Variants in SVEP1 observed in about 807,000 individuals in gnomAD.
SVEP1 encodes sushi, von Willebrand factor type A, EGF and pentraxin domain-containing protein 1.
SVEP1 carries 164 observed loss-of-function variants against 367.3 expected under a neutral mutation model. The observed-to-expected ratio is 0.45, with a 90% CI of 0.39 to 0.51. The LOEUF (loss-of-function observed/expected upper bound fraction) is 0.51, where lower values mean the gene tolerates loss of function less well. Ranked by LOEUF, SVEP1 falls within the 20% of genes least tolerant of loss-of-function variation. SVEP1 has a pLI of 0.00. For synonymous variants in SVEP1, 1,666 were observed against 1,611.6 expected, an observed-to-expected ratio of 1.03 and a Z score of -0.81; for missense variants, 4,117 against 4,425.3, an observed-to-expected ratio of 0.93 and a Z score of 1.98.
At chr9:110,381,951 C>CT (rs1827445109) in intron 43 of SVEP1, among the ~76,000 whole-genome samples, 1 of 152,110 alleles carries the variant, frequency 6.6e-6, no homozygotes, top group African/African-American at 2.4e-5. Context: ...ATGCCCTTGT[C>CT]TTTTTTGATC....
intron 3 of SVEP1, among the ~76,000 whole-genome samples, chr9:110,543,772 G>A (rs1398649211): frequency 6.6e-6 from 1 of 152,170 alleles, no homozygotes; most frequent in African/African-American, 2.4e-5. Context: ...TCTTCTGCCT[G>A]GGTTTGGTGG....
chr9:110,412,086 AT>A (rs376370864), intron 36 of SVEP1, among the ~76,000 whole-genome samples: 1 of 152,190 alleles, frequency 6.6e-6, no homozygotes, highest in Non-Finnish European at 1.5e-5. Context: ...TGGATTTAAG[AT>A]TTTTTTGCTA....
chr9:110,385,935 G>T lies in SVEP1; in HGVS notation c.10200C>A (p.Pro3400=). Residue 3400 remains proline (P), a synonymous_variant, in exon 43 of 48, where the codon CCC becomes CCA. Coordinates refer to ENST00000374469, the MANE Select transcript of SVEP1 (RefSeq NM_153366.4). ...LQGHGIITCN[P]DETWTQTSAK... ...CGCTTGTCTGTGTCCACGTCTCGTC[G>T]GGGTTGCAGGTAATGATGCCGTGGC... is the stretch of plus-strand genomic sequence containing the variant. 1 of 1,613,774 alleles carries T rather than the reference G, an allele frequency of 6.2e-7. No individual in the cohort carries two copies. The highest frequency in any genetic ancestry group is 8.5e-7 in the Non-Finnish European group (1 of 1,179,804).
chr9:110,472,438 T>A, intron 14 of SVEP1, 115 bp from the exon 15 acceptor site: 2 of 978,056 alleles, frequency 2.0e-6, no homozygotes, highest in Non-Finnish European at 2.9e-6. Flanking sequence ...CAAATGCCCA[T>A]AACATACTGC....
At chr9:110,462,934 C>T (rs986398800) in intron 18 of SVEP1, among the ~76,000 whole-genome samples, 1 of 151,878 alleles carries the variant, frequency 6.6e-6, no homozygotes, top group Non-Finnish European at 1.5e-5. Context: ...ATATTGTATA[C>T]TAGAAATTTG....
At chr9:110,465,715 C>G (rs893652237) in intron 18 of SVEP1, 150 bp downstream of exon 18, 11 of 1,060,552 alleles carry the variant, frequency 1.0e-5, no homozygotes, top group Non-Finnish European at 1.3e-5. Flanking sequence ...AGAAAAGAAA[C>G]TAAACAAACA....
chr9:110,478,771 T>C (rs1829140361), intron 13 of SVEP1, among the ~76,000 whole-genome samples: 1 of 152,218 alleles, frequency 6.6e-6, no homozygotes. Flanking sequence ...ACTTGTAACG[T>C]GCTTGGCATA....
In SVEP1 at chr9:110,375,465, TAAAAAAAA is replaced by T. The variant is rs71373993; in HGVS notation, c.10505-10_10505-3del. 296 of 557,584 alleles carry T rather than the reference TAAAAAAAA, an allele frequency of 5.3e-4. No homozygotes were observed. The highest frequency in any genetic ancestry group is 1.7e-3 in the Middle Eastern group (3 of 1,754). The allele number at this position is 557,584 out of a possible 1,614,324, so 34.5% of individuals were successfully genotyped here. Reference sequence around the variant, plus strand: ...TCAGACAGGGAAGAATGCAGATTGCTAAAAAAAAAAAAAAAAAAAAAAAAAGGAGGCAG... The same window carrying T: ...TCAGACAGGGAAGAATGCAGATTGCTAAAAAAAAAAAAAAAAAGGAGGCAG... On this transcript the variant is annotated splice_region_variant and splice_polypyrimidine_tract_variant and intron_variant, in intron 45 of 47. Transcript: ENST00000374469.
Position 110,579,487 on chromosome 9 carries a change from C to T in SVEP1, c.57G>A (p.Ala19=), listed in dbSNP as rs576861447. ...CWGLALVSGW[A]TFQQMSPSRN... ...GCGACGGGGACATCTGCTGAAAGGT[C>T]GCCCAGCCCGAAACGAGCGCCAGAC... is the stretch of plus-strand genomic sequence containing the variant. The change falls in exon 1 of 48, where the codon GCG becomes GCA. Residue 19 remains alanine, a synonymous_variant. Coordinates refer to ENST00000374469, the MANE Select transcript of SVEP1 (RefSeq NM_153366.4). The surrounding 1 kb of genome is among the most constrained non-coding windows in gnomAD (Gnocchi z 5.3). The T allele has an allele frequency of 1.9e-6, 3 of 1,604,974 alleles. No individual in the cohort carries two copies. The highest frequency in any genetic ancestry group is 1.3e-5 in the African/African-American group (1 of 74,710).
chr9:110,479,897 G>A (rs1829159636), intron 12 of SVEP1, 141 bp from the exon 13 acceptor site: 1 of 1,211,912 alleles, frequency 8.3e-7, no homozygotes, highest in Non-Finnish European at 1.1e-6. Flanking sequence ...TGACAGTTAA[G>A]GAGAGTTTCT....
At chr9:110,387,834 C>T (rs144373261) in intron 41 of SVEP1, among the ~76,000 whole-genome samples, 6 of 152,186 alleles carry the variant, frequency 3.9e-5, no homozygotes, top group African/African-American at 1.4e-4. Context: ...GTTGTAAGCC[C>T]AAATAAAATA....
intron 14 of SVEP1, among the ~76,000 whole-genome samples, chr9:110,473,344 C>A (rs1302368885): frequency 6.6e-6 from 1 of 152,102 alleles, no homozygotes; most frequent in Non-Finnish European, 1.5e-5. Context: ...TACAATGCTA[C>A]CACATAGAAA....
rs138943441 is a variant in SVEP1, at chr9:110,411,250, T to C, written c.6461A>G (p.Asn2154Ser). 7.2e-5 allele frequency: 117 copies of C among 1,614,002 alleles called. No individual in the cohort carries two copies. In the African/African-American group the frequency reaches 1.4e-3, roughly 20 times the overall value. Residue 2154 changes from asparagine to serine, a missense_variant, in exon 37 of 48, where the codon AAT (asparagine) becomes AGT (serine). By Grantham distance (46) the Asn-to-Ser change is conservative (BLOSUM62 1). Coordinates refer to ENST00000374469, the MANE Select transcript of SVEP1 (RefSeq NM_153366.4). ...GTAGTTTGATCCACTTGCATAGCCA[T>C]TCATGATGCTTGGTGGCTCTCCACA... ...VRCGEPPSIM[N>S]GYASGSNYSF...
intron 1 of SVEP1, among the ~76,000 whole-genome samples, chr9:110,563,167 A>G (rs1015071574): frequency 3.9e-5 from 6 of 152,200 alleles, no homozygotes; most frequent in African/African-American, 9.6e-5. Context: ...CTAAAATTCA[A>G]TTGTGGTATA....
intron 40 of SVEP1, among the ~76,000 whole-genome samples, chr9:110,392,263 C>A (rs1827670054): frequency 6.6e-6 from 1 of 151,690 alleles, no homozygotes; most frequent in South Asian, 2.1e-4. Flanking sequence ...CTCCCCTCTG[C>A]CCTGTCAATT....
At position 110,408,692 on chromosome 9, in the gene SVEP1, G is replaced by A. The variant is rs768606295; in HGVS notation, c.6908C>T (p.Thr2303Ile). The A allele has an allele frequency of 6.2e-6, 10 of 1,613,820 alleles. No individual in the cohort carries two copies. In the South Asian group the frequency reaches 1.1e-4, roughly 18 times the overall value. ...ATTCCATTTGCCAGATTTCTGACAT[G>A]TCCAAGAACTGTCACCAACAAGCTC... ...GYELVGDSSW[T>I]CQKSGKWNKK... The change falls in exon 38 of 48, where the codon ACA becomes ATA. Residue 2303 changes from threonine (T) to isoleucine (I), a missense_variant. Around this residue, in one of 4 missense-constraint regions of SVEP1, gnomAD observed 1,765 missense variants for 1,781.1 expected, o/e 0.99. Transcript: ENST00000374469.
In SVEP1 at chr9:110,450,097, T is replaced by G. The variant is rs1828668697; in HGVS notation, c.4065A>C (p.Lys1355Asn). The change falls in exon 24 of 48, where the codon AAA becomes AAC. Residue 1355 changes from lysine (K) to asparagine (N), a missense_variant. Coordinates refer to ENST00000374469, the MANE Select transcript of SVEP1 (RefSeq NM_153366.4). Reference sequence around the variant, plus strand: ...CACCGTCTTTACAGGTAGCTCCATTTTTGCATGGCTGACTGAGACACTCAT... The same window carrying G: ...CACCGTCTTTACAGGTAGCTCCATTGTTGCATGGCTGACTGAGACACTCAT... ...NVDECLSQPC[K>N]NGATCKDGAN... The G allele has an allele frequency of 6.2e-7, 1 of 1,613,944 alleles. No individual in the cohort carries two copies. Among genetic ancestry groups the G allele is most frequent in the Non-Finnish European group, 8.5e-7 (1 of 1,179,836 alleles).
intron 36 of SVEP1, among the ~76,000 whole-genome samples, chr9:110,424,982 G>C (rs1053107900): frequency 1.3e-5 from 2 of 152,116 alleles, no homozygotes; most frequent in African/African-American, 4.8e-5. Context: ...CCTAATTTTT[G>C]CATTTCTATT....
intron 36 of SVEP1, among the ~76,000 whole-genome samples, chr9:110,423,168 T>TAAAAAAAAAAAAAAAAAAA: frequency 1.4e-4 from 14 of 103,632 alleles, no homozygotes; most frequent in East Asian, 2.5e-4. Flanking sequence ...AAAAATAAAG[T>TAAAAAAAAAAAAAAAAAAA]AAAAAAAAAA....
Sources: allele counts gnomAD v4.1 joint callset (sites outside exome capture counted in the v4.1 genomes callset), GRCh38; gene constraint gnomAD v4.1.1; regional missense constraint gnomAD v4.1.1; non-coding constraint Gnocchi (gnomAD v3.1); transcripts MANE v1.5; gene names NCBI Gene and HGNC (gene_info 2026-07-23, HGNC 2026-07-21).